FRMD4A: variants seen among roughly 807,000 people sequenced by gnomAD.
FRMD4A encodes the protein FERM domain containing 4A.
A neutral mutation model predicts 129.1 loss-of-function variants in FRMD4A; 29 were observed. That is an observed-to-expected ratio of 0.22 (90% confidence interval 0.17 to 0.31). The LOEUF is 0.31. Ranked by LOEUF, FRMD4A falls within the 10% of genes least tolerant of loss-of-function variation. FRMD4A has a pLI of 1.00. For missense variants in FRMD4A, 1,272 were observed against 1,375.8 expected (o/e 0.92, Z 1.19); for synonymous variants, 634 against 571.6 (o/e 1.11, Z -1.56).
intron 13 of FRMD4A, among the ~76,000 whole-genome samples, chr10:13,702,936 GA>G (rs1178399736): frequency 6.8e-6 from 1 of 146,160 alleles, no homozygotes; most frequent in Non-Finnish European, 1.5e-5. Context: ...AAAAAAGCCA[GA>G]GCGTGAAAGA....
chr10:14,025,969 T>A (rs1053619503), intron 2 of FRMD4A, among the ~76,000 whole-genome samples: 4 of 152,194 alleles, frequency 2.6e-5, no homozygotes, highest in Admixed American at 2.6e-4. Flanking sequence ...GTCAAGACGC[T>A]AATGGCCATC....
At chr10:14,209,576 C>G (rs1055264958) in intron 2 of FRMD4A, among the ~76,000 whole-genome samples, 1 of 152,056 alleles carries the variant, frequency 6.6e-6, no homozygotes, top group Non-Finnish European at 1.5e-5. Context: ...AAAAAATTAG[C>G]CGGGCATGGT....
chr10:13,759,397 G>A (rs1461160638), intron 8 of FRMD4A, among the ~76,000 whole-genome samples: 3 of 152,196 alleles, frequency 2.0e-5, no homozygotes, highest in African/African-American at 7.2e-5. Context: ...GGCAATCCAT[G>A]TGGCCACACG....
chr10:13,786,833 T>A (rs2092877789), intron 5 of FRMD4A, among the ~76,000 whole-genome samples: 1 of 152,212 alleles, frequency 6.6e-6, no homozygotes, highest in Non-Finnish European at 1.5e-5. Context: ...TAAATTCATA[T>A]AAGGTCTGAA....
At chr10:13,840,385 C>G (rs1454330552) in intron 3 of FRMD4A, among the ~76,000 whole-genome samples, 2 of 152,174 alleles carry the variant, frequency 1.3e-5, no homozygotes, top group Non-Finnish European at 2.9e-5. Flanking sequence ...GACTCTGATC[C>G]TGGACTTCTA....
intron 2 of FRMD4A, among the ~76,000 whole-genome samples, chr10:14,058,387 A>T (rs1834644167): frequency 1.3e-5 from 2 of 152,180 alleles, no homozygotes; most frequent in East Asian, 3.8e-4. Context: ...TTTTTTCCCA[A>T]TTACCTTTTA....
At chr10:13,708,178 C>T (rs562153321) in intron 12 of FRMD4A, among the ~76,000 whole-genome samples, 2 of 152,342 alleles carry the variant, frequency 1.3e-5, no homozygotes, top group South Asian at 4.1e-4. Flanking sequence ...CCCCCTTTCT[C>T]TGGCCACTGA....
At chr10:14,101,497 G>A (rs902162780) in intron 2 of FRMD4A, among the ~76,000 whole-genome samples, 10 of 152,184 alleles carry the variant, frequency 6.6e-5, no homozygotes, top group African/African-American at 2.4e-4. Flanking sequence ...CAATTTAGGT[G>A]TGAATTAGTT....
At chr10:13,949,355 T>C (rs759755135) in intron 2 of FRMD4A, among the ~76,000 whole-genome samples, 1 of 151,638 alleles carries the variant, frequency 6.6e-6, no homozygotes, top group Non-Finnish European at 1.5e-5. Context: ...AATGAGAAGT[T>C]TTCTACTTGC....
At chr10:13,661,348 C>T (rs1055238661) in intron 19 of FRMD4A, among the ~76,000 whole-genome samples, 1 of 152,078 alleles carries the variant, frequency 6.6e-6, no homozygotes, top group Non-Finnish European at 1.5e-5. Context: ...GAGCAGTGGG[C>T]AGGCAAAGAG....
At chr10:13,968,516 G>C (rs1015581757) in intron 2 of FRMD4A, among the ~76,000 whole-genome samples, 2 of 152,310 alleles carry the variant, frequency 1.3e-5, no homozygotes, top group East Asian at 3.9e-4. Flanking sequence ...GCAATGGTGC[G>C]ATCTCAGCTC....
At chr10:13,903,724 A>AT (rs1173146124) in intron 2 of FRMD4A, among the ~76,000 whole-genome samples, 5 of 151,614 alleles carry the variant, frequency 3.3e-5, no homozygotes, top group South Asian at 2.1e-4. Flanking sequence ...TAAAAATAAA[A>AT]AAAAAATAGC....
chr10:14,114,641 A>G (rs1165417425), intron 2 of FRMD4A, among the ~76,000 whole-genome samples: 4 of 152,134 alleles, frequency 2.6e-5, no homozygotes. Context: ...GCGGCCAGAG[A>G]ATCACTCCCT....
intron 2 of FRMD4A, among the ~76,000 whole-genome samples, chr10:14,113,093 C>T (rs1033359315): frequency 3.9e-5 from 6 of 152,152 alleles, no homozygotes; most frequent in Non-Finnish European, 7.3e-5. Flanking sequence ...AGAAAACCAG[C>T]TCAAAGAATC....
chr10:14,056,361 G>A (rs546726505), intron 2 of FRMD4A, among the ~76,000 whole-genome samples: 2 of 151,852 alleles, frequency 1.3e-5, no homozygotes, highest in African/African-American at 4.8e-5. Flanking sequence ...ATGTTTTTGT[G>A]TTGATTAAAC....
At chr10:13,659,557 G>A in intron 20 of FRMD4A, 67 bp from the exon 21 acceptor site, 1 of 1,479,184 alleles carries the variant, frequency 6.8e-7, no homozygotes, top group Non-Finnish European at 9.3e-7. Flanking sequence ...GGGCTGGCTA[G>A]TTCAGGACAA....
chr10:14,129,409 A>ATATAT (rs58579085), intron 2 of FRMD4A, among the ~76,000 whole-genome samples: 8,470 of 92,966 alleles, frequency 0.091, 951 homozygotes, highest in Non-Finnish European at 0.11. Context: ...TATATATATA[A>ATATAT]AAAATATGAG....
At chr10:14,169,305 C>T (rs10796168) in intron 2 of FRMD4A, among the ~76,000 whole-genome samples, 72,656 of 151,890 alleles carry the variant, frequency 0.48, 18,955 homozygotes, top group South Asian at 0.62. Flanking sequence ...CTCCTGGTTC[C>T]TACTTTATTT....
At chr10:13,701,660 T>C (rs528233377) in intron 13 of FRMD4A, among the ~76,000 whole-genome samples, 182 bp from the exon 14 acceptor site, 4 of 152,304 alleles carry the variant, frequency 2.6e-5, no homozygotes, top group East Asian at 1.9e-4. Flanking sequence ...ACAGACATCA[T>C]TGGCTGGGCA....
Sources: allele counts gnomAD v4.1 joint callset (sites outside exome capture counted in the v4.1 genomes callset), GRCh38; gene constraint gnomAD v4.1.1; transcripts MANE v1.5; gene names NCBI Gene and HGNC (gene_info 2026-07-23, HGNC 2026-07-21).